Variants in HERC3 observed in about 807,000 individuals in gnomAD.
The protein encoded by HERC3 is probable E3 ubiquitin-protein ligase HERC3.
Under a neutral mutation model 129.9 loss-of-function variants are expected in HERC3, and 58 were observed. The observed-to-expected ratio is 0.45, with a 90% CI of 0.36 to 0.56. HERC3 has a LOEUF of 0.56. HERC3 is among the 20% of genes least tolerant of loss of function. HERC3 has a pLI of 0.00. For synonymous variants in HERC3, 430 were observed against 451.0 expected, an observed-to-expected ratio of 0.95 and a Z score of 0.59; for missense variants, 835 against 1,244.2, an observed-to-expected ratio of 0.67 and a Z score of 4.95.
At chr4:88,523,995 G>A in the HERC3 span, 2 of 412,784 alleles carry the variant, frequency 4.8e-6, no homozygotes, top group Non-Finnish European at 4.3e-6. Flanking sequence ...AGGTGTCTGG[G>A]TTTTCACCGG....
In HERC3 at chr4:88,650,142, G is replaced by A. The variant is rs190611235; in HGVS notation, c.386+143G>A. ...TGTGCCTTATACTATTAAAACACTT[G>A]TCACAAAAGTTGCAATTATTTATAG... On this transcript the variant is annotated intron_variant, in intron 4 of 25. Coordinates refer to ENST00000402738, the MANE Select transcript of HERC3 (RefSeq NM_014606.3). 282 of 761,362 alleles carry A rather than the reference G, an allele frequency of 3.7e-4. 1 individual carries two copies. The highest frequency in any genetic ancestry group is 2.3e-3 in the African/African-American group (134 of 57,156). The allele number at this position is 761,362 out of a possible 1,614,324, so 47.2% of individuals were successfully genotyped here. A position where few individuals can be genotyped will look rare whatever the true frequency, so the allele number is the denominator to read the frequency against.
the HERC3 span, among the ~76,000 whole-genome samples, chr4:88,554,315 AG>A: frequency 6.7e-6 from 1 of 149,592 alleles, no homozygotes; most frequent in Admixed American, 6.7e-5. Flanking sequence ...ACTGCACTCC[AG>A]CCTGGGCGAC....
At chr4:88,590,468 A>G (rs936486085), upstream of HERC3, among the ~76,000 whole-genome samples, 2 of 152,140 alleles carry the variant, frequency 1.3e-5, no homozygotes, top group Non-Finnish European at 2.9e-5. Context: ...CTGCGACAGG[A>G]GACTTGCGTG....
intron 11 of HERC3, among the ~76,000 whole-genome samples, chr4:88,663,786 C>T (rs980934462): frequency 6.6e-5 from 10 of 152,236 alleles, no homozygotes; most frequent in South Asian, 2.1e-4. Flanking sequence ...TTTCTGTGTT[C>T]GGGAAGTAAC....
chr4:88,646,700 G>C (rs1395405350), intron 3 of HERC3, among the ~76,000 whole-genome samples: 2 of 152,170 alleles, frequency 1.3e-5, no homozygotes, highest in African/African-American at 4.8e-5. Flanking sequence ...TATTCAGAGA[G>C]GGGAGTGAAT....
intron 3 of HERC3, among the ~76,000 whole-genome samples, chr4:88,633,885 A>G (rs1202047907): frequency 6.6e-6 from 1 of 152,250 alleles, no homozygotes; most frequent in Non-Finnish European, 1.5e-5. Flanking sequence ...TAAAGTAGGC[A>G]AAGAAAGTGA....
intron 5 of HERC3, 61 bp downstream of exon 5, chr4:88,652,149 T>G: frequency 7.9e-7 from 1 of 1,266,194 alleles, no homozygotes. Context: ...TCTCTTTGTC[T>G]TTTTGTGTGA....
the HERC3 span, among the ~76,000 whole-genome samples, chr4:88,582,590 G>A: frequency 3.3e-5 from 5 of 152,164 alleles, no homozygotes; most frequent in Non-Finnish European, 7.3e-5. Flanking sequence ...CCTAGGAATT[G>A]CATCAAACAA....
rs746124572 is a variant in HERC3 at position 88,693,408 on chromosome 4, C to T, written c.2657+6109C>T. On this transcript the variant is annotated intron_variant, in intron 23 of 25. Transcript: ENST00000402738. The stretch of plus-strand genomic sequence containing the variant: ...TATATGTCATTATCACCATTTCATC[C>T]AGTCCTTAGAAACATGGTGTGTATT... 7 of 972,724 alleles carry T rather than the reference C, an allele frequency of 7.2e-6. No homozygotes were observed. In the South Asian group the frequency reaches 1.9e-4, roughly 26 times the overall value. The allele number at this position is 972,724 out of a possible 1,614,324, so 60.3% of individuals were successfully genotyped here.
At chr4:88,568,405 C>T in the HERC3 span, among the ~76,000 whole-genome samples, 2 of 152,204 alleles carry the variant, frequency 1.3e-5, no homozygotes, top group Non-Finnish European at 2.9e-5. Context: ...CCAGAAATGT[C>T]ATCCATGAGC....
chr4:88,593,548 A>G (rs1472875042), intron 1 of HERC3: 1 of 152,196 alleles, frequency 6.6e-6, no homozygotes, highest in African/African-American at 2.4e-5. Flanking sequence ...TTCTGATTGC[A>G]TTTTACATCA....
the HERC3 span, among the ~76,000 whole-genome samples, chr4:88,553,583 G>A: frequency 2.6e-5 from 4 of 152,152 alleles, no homozygotes. Flanking sequence ...AAGGAAAATA[G>A]GAGAACCTTA....
At chr4:88,590,538 G>A (rs1055425939), upstream of HERC3, among the ~76,000 whole-genome samples, 2 of 152,020 alleles carry the variant, frequency 1.3e-5, no homozygotes, top group African/African-American at 4.8e-5. Flanking sequence ...CAGCCTGGGC[G>A]ACAGAGCGAG....
At chr4:88,595,060 C>T (rs1232895807) in intron 1 of HERC3, among the ~76,000 whole-genome samples, 14 of 131,904 alleles carry the variant, frequency 1.1e-4, no homozygotes, top group Non-Finnish European at 1.2e-4. Context: ...CGAGATCGGC[C>T]ACTGCACTCC....
intron 12 of HERC3, among the ~76,000 whole-genome samples, chr4:88,664,741 A>C (rs146293766): frequency 7.5e-4 from 114 of 152,156 alleles, no homozygotes; most frequent in African/African-American, 2.7e-3. Flanking sequence ...ACAGTTTTAA[A>C]ATTTTTATTA....
chr4:88,609,206 C>G (rs79356724), intron 3 of HERC3, among the ~76,000 whole-genome samples: 9,505 of 151,856 alleles, frequency 0.063, 788 homozygotes, highest in East Asian at 0.27. Context: ...TCACTTGAGC[C>G]CTGGAGATCA....
chr4:88,564,742 C>A, the HERC3 span, among the ~76,000 whole-genome samples: 3 of 151,936 alleles, frequency 2.0e-5, no homozygotes, highest in African/African-American at 7.3e-5. Flanking sequence ...CTGCTCTGAT[C>A]TTTATTATTT....
chr4:88,545,623 G>A, the HERC3 span, among the ~76,000 whole-genome samples: 1 of 151,568 alleles, frequency 6.6e-6, no homozygotes, highest in African/African-American at 2.4e-5. Context: ...ACAGGATCTC[G>A]CTATGTTGCT....
At chr4:88,539,902 A>G in the HERC3 span, among the ~76,000 whole-genome samples, 1 of 152,204 alleles carries the variant, frequency 6.6e-6, no homozygotes, top group African/African-American at 2.4e-5. Context: ...ACATCAACAA[A>G]AAGGACATCC....
Sources: allele counts gnomAD v4.1 joint callset (sites outside exome capture counted in the v4.1 genomes callset), GRCh38; gene constraint gnomAD v4.1.1; transcripts MANE v1.5; gene names NCBI Gene and HGNC (gene_info 2026-07-23, HGNC 2026-07-21).